MASP1: variants seen among roughly 807,000 people sequenced by gnomAD.
The protein encoded by MASP1 is mannan-binding lectin serine protease 1.
MASP1 carries 59 observed loss-of-function variants against 77.1 expected under a neutral mutation model. That is an observed-to-expected ratio of 0.77 (90% CI 0.62 to 0.95). The LOEUF is 0.95. MASP1 is among the 40% of genes least tolerant of loss of function. The pLI is 0.00. For missense variants in MASP1, 885 were observed against 912.9 expected, an observed-to-expected ratio of 0.97 and a Z score of 0.39; for synonymous variants, 362 against 354.5, an observed-to-expected ratio of 1.02 and a Z score of -0.24.
At chr3:187,274,727 C>T (rs1380433922) in intron 2 of MASP1, among the ~76,000 whole-genome samples, 3 of 152,080 alleles carry the variant, frequency 2.0e-5, no homozygotes, top group African/African-American at 7.2e-5. Context: ...AATGTGGGGG[C>T]CTGAGAAACA....
At chr3:187,256,949 G>A in intron 4 of MASP1, 89 bp from the exon 5 acceptor site, 1 of 1,117,382 alleles carries the variant, frequency 8.9e-7, no homozygotes, top group Non-Finnish European at 1.3e-6. Context: ...TTTCCCAATG[G>A]TCCCAAGCAG....
In MASP1 at chr3:187,235,715, T is replaced by G. The variant is rs778767150; in HGVS notation, c.2156A>C (p.Gln719Pro). The G allele has an allele frequency of 1.2e-6, 2 of 1,614,184 alleles. No individual in the cohort carries two copies. ...DWVWEQMGLP[Q>P]SVVEPQVER is the part of the protein sequence containing the mutation. ...TTCCACCTGGGGCTCCACAACACTT[T>G]GTGGTAAGCCCATCTGCTCCCACAC... The change falls in exon 11 of 11, where the codon CAA (glutamine) becomes CCA (proline). Residue 719 changes from glutamine (Q) to proline (P), a missense_variant. Gln to Pro is a moderately conservative substitution (Grantham distance 76). Transcript: ENST00000296280.
At chr3:187,218,139 C>T (rs987265010) in exon 16 of MASP1, 1 of 152,282 alleles carries the variant, frequency 6.6e-6, no homozygotes, top group Non-Finnish European at 1.5e-5. Flanking sequence ...TCCCCCAAAA[C>T]CTTCATACCA....
intron 5 of MASP1, among the ~76,000 whole-genome samples, chr3:187,253,746 C>G (rs555932221): frequency 6.6e-6 from 1 of 152,154 alleles, no homozygotes; most frequent in African/African-American, 2.4e-5. Context: ...GAGCAGAAAA[C>G]CAAACACTGC....
At chr3:187,221,861 A>C (rs1234772667) in intron 14 of MASP1, among the ~76,000 whole-genome samples, 1 of 152,236 alleles carries the variant, frequency 6.6e-6, no homozygotes, top group African/African-American at 2.4e-5. Context: ...ACATAAAAAT[A>C]AGGCATTGTG....
chr3:187,281,288 G>T (rs1454539375), intron 2 of MASP1, among the ~76,000 whole-genome samples: 1 of 152,222 alleles, frequency 6.6e-6, no homozygotes, highest in African/African-American at 2.4e-5. Context: ...CTCTTCTTCA[G>T]GCTACTGATG....
At chr3:187,278,770 T>C (rs1218096714) in intron 2 of MASP1, among the ~76,000 whole-genome samples, 2 of 152,216 alleles carry the variant, frequency 1.3e-5, no homozygotes, top group Admixed American at 6.5e-5. Flanking sequence ...TGCTCTTCCA[T>C]AGCTGTCCAG....
intron 14 of MASP1, among the ~76,000 whole-genome samples, chr3:187,222,387 A>T (rs528930938): frequency 1.3e-5 from 2 of 152,136 alleles, no homozygotes; most frequent in Non-Finnish European, 2.9e-5. Flanking sequence ...GGAAACACCA[A>T]ATAGACCCCC....
chr3:187,242,103 C>T (rs1713695997), intron 9 of MASP1: 1 of 156,038 alleles, frequency 6.4e-6, no homozygotes, highest in Admixed American at 6.3e-5. Context: ...GCACAGATGC[C>T]CTTTCCTTTC....
At chr3:187,243,402 A>G in intron 9 of MASP1, 82 bp downstream of exon 9, 2 of 1,436,110 alleles carry the variant, frequency 1.4e-6, no homozygotes, top group Non-Finnish European at 2.0e-6. Flanking sequence ...TCTTCCTTTC[A>G]CAGCTGTCTC....
Position 187,234,685 on chromosome 3 carries a change from G to T in MASP1, c.*999C>A. 3 of 1,287,156 alleles carry T rather than the reference G, an allele frequency of 2.3e-6. No individual in the cohort carries two copies. In the South Asian group the frequency reaches 3.7e-5, roughly 16 times the overall value. The allele number at this position is 1,287,156 out of a possible 1,614,324, so 79.7% of individuals were successfully genotyped here. A position where few individuals can be genotyped will look rare whatever the true frequency, so the allele number is the denominator to read the frequency against. ...GATGCCAGGCAGCCTGGCAGGATTT[G>T]GGTGACTTCTAATGTGCCCACCCCA... On this transcript the variant is annotated 3_prime_UTR_variant, in exon 11 of 11. Transcript: ENST00000296280.
chr3:187,258,307 C>T (rs952811079), intron 4 of MASP1, among the ~76,000 whole-genome samples: 4 of 152,194 alleles, frequency 2.6e-5, no homozygotes, highest in Admixed American at 6.5e-5. Flanking sequence ...GCCTGGTTCT[C>T]GCCAGTTTAC....
intron 12 of MASP1, chr3:187,226,351 G>T: frequency 7.7e-7 from 1 of 1,300,896 alleles, no homozygotes; most frequent in Non-Finnish European, 1.1e-6. Context: ...GGGCCAGTAG[G>T]TCATTCCCAG....
exon 16 of MASP1, chr3:187,220,051 C>A (rs1387441536): frequency 6.2e-7 from 1 of 1,612,374 alleles, no homozygotes; most frequent in African/African-American, 1.3e-5. Context: ...GCTGGTGGTG[C>A]TGGGGCTGAG....
chr3:187,232,501 A>C (rs1712828198), downstream of MASP1, among the ~76,000 whole-genome samples: 2 of 152,278 alleles, frequency 1.3e-5, no homozygotes, highest in South Asian at 4.1e-4. Context: ...TCCAAGCCCA[A>C]GTATCCACCC....
chr3:187,233,285 A>G (rs975215608), downstream of MASP1, among the ~76,000 whole-genome samples: 4 of 152,188 alleles, frequency 2.6e-5, no homozygotes, highest in Non-Finnish European at 5.9e-5. Context: ...AACTTAGAGA[A>G]TCACTCGTTT....
chr3:187,229,020 C>G (rs557953430), intron 11 of MASP1, among the ~76,000 whole-genome samples: 1 of 152,270 alleles, frequency 6.6e-6, no homozygotes, highest in African/African-American at 2.4e-5. Flanking sequence ...TGGGCCAAGC[C>G]GGGCCTTCTT....
intron 2 of MASP1, among the ~76,000 whole-genome samples, chr3:187,274,033 C>A (rs931256229): frequency 2.0e-5 from 3 of 152,178 alleles, no homozygotes; most frequent in Non-Finnish European, 2.9e-5. Context: ...CATTGTGAAA[C>A]CTTGTCTCCA....
At chr3:187,261,616 T>C (rs1715586222) in intron 3 of MASP1, among the ~76,000 whole-genome samples, 1 of 152,216 alleles carries the variant, frequency 6.6e-6, no homozygotes, top group South Asian at 2.1e-4. Context: ...TCTCATACAT[T>C]GGTGGACAGA....
Sources: gnomAD v4.1 joint callset for allele counts (sites outside exome capture counted in the v4.1 genomes callset) on GRCh38, gnomAD v4.1.1 for gene constraint, MANE v1.5 for transcripts, NCBI Gene and HGNC (gene_info 2026-07-23, HGNC 2026-07-21) for gene names.